The following MLXIP variants were observed in gnomAD, a reference collection of about 807,000 sequenced individuals.
MLXIP encodes the protein MLX interacting protein, also known as MLX-interacting protein.
In MLXIP, 30 loss-of-function variants were observed where a neutral mutation model predicts 87.2. The ratio of observed to expected loss-of-function variants is 0.34; its 90% confidence interval spans 0.26 to 0.47. MLXIP has a LOEUF of 0.47. Ranked by LOEUF, MLXIP falls within the 20% of genes least tolerant of loss-of-function variation. The pLI, the probability that MLXIP is intolerant of heterozygous loss-of-function variation, is 1.00. For synonymous variants in MLXIP, 530 were observed against 514.0 expected (o/e 1.03, Z -0.42); for missense variants, 1,002 against 1,240.1 (o/e 0.81, Z 2.88).
At chr12:122,128,034 A>C (rs1593104897) in intron 3 of MLXIP, 66 bp downstream of exon 3, 2 of 1,394,504 alleles carry the variant, frequency 1.4e-6, no homozygotes, top group Non-Finnish European at 2.0e-6. Context: ...GGAGTGGCTC[A>C]CCGCGGGCTG....
chr12:122,083,929 T>C (rs528397653), intron 1 of MLXIP, among the ~76,000 whole-genome samples: 1 of 152,332 alleles, frequency 6.6e-6, no homozygotes, highest in African/African-American at 2.4e-5. Flanking sequence ...CAGTGTTTCT[T>C]CTCCTGCGTT....
intron 1 of MLXIP, among the ~76,000 whole-genome samples, chr12:122,120,456 G>T (rs146484118): frequency 6.6e-6 from 1 of 152,288 alleles, no homozygotes; most frequent in Non-Finnish European, 1.5e-5. Flanking sequence ...AAACTCCTGG[G>T]CTCAAGCAGT....
Position 122,078,971 on chromosome 12 carries a change from C to A in MLXIP, c.118C>A (p.Pro40Thr). ...DDDSDTDEPS[P>T]PPASGAATPA... is the part of the protein sequence containing the mutation. ...CGACTCGGACACGGATGAGCCGTCC[C>A]CGCCGCCCGCCTCCGGCGCGGCCAC... Residue 40 changes from proline (P) to threonine (T), a missense_variant, in exon 1 of 17, where the codon CCG becomes ACG. This residue lies in a region of MLXIP where 129 missense variants were observed against 104.2 expected (regional missense o/e 1.24). Transcript: ENST00000319080. 1 of 1,088,852 alleles carries A rather than the reference C, an allele frequency of 9.2e-7. No homozygotes were observed. Among genetic ancestry groups the A allele is most frequent in the Non-Finnish European group, 1.1e-6 (1 of 892,780 alleles). The allele number at this position is 1,088,852 out of a possible 1,614,324, so 67.4% of individuals were successfully genotyped here. A position where few individuals can be genotyped will look rare whatever the true frequency, so the allele number is the denominator to read the frequency against.
At chr12:122,110,157 CTATT>C (rs1952581923) in intron 1 of MLXIP, among the ~76,000 whole-genome samples, 1 of 152,092 alleles carries the variant, frequency 6.6e-6, no homozygotes, top group Non-Finnish European at 1.5e-5. Flanking sequence ...TATTTAAAGC[CTATT>C]TAGGTTTAGG....
At chr12:122,121,792 A>C (rs1437025071) in intron 1 of MLXIP, among the ~76,000 whole-genome samples, 1 of 152,168 alleles carries the variant, frequency 6.6e-6, no homozygotes, top group Non-Finnish European at 1.5e-5. Flanking sequence ...ATAGTTTGCT[A>C]GTTTCATCCA....
intron 1 of MLXIP, among the ~76,000 whole-genome samples, chr12:122,115,928 G>A (rs554502764): frequency 3.9e-5 from 6 of 152,044 alleles, no homozygotes; most frequent in African/African-American, 9.7e-5. Flanking sequence ...GGCAGTACCT[G>A]TAATCCCAGC....
In MLXIP at chr12:122,137,991, C is replaced by T. The variant is rs950383101; in HGVS notation, c.2155-203C>T. Among the ~76,000 whole-genome samples, 1 of 152,222 alleles carries T rather than the reference C, an allele frequency of 6.6e-6. No individual in the cohort carries two copies. Among genetic ancestry groups the T allele is most frequent in the African/African-American group, 2.4e-5 (1 of 41,446 alleles). On this transcript the variant is annotated intron_variant, in intron 12 of 16. Coordinates refer to ENST00000319080, the MANE Select transcript of MLXIP (RefSeq NM_014938.6). This position sits in a 1 kb window ranked among gnomAD's most constrained non-coding sequence, Gnocchi z 4.1. ...GCCGTTCCCAGCCCCAGCTGTGCAC[C>T]ATTCTGCAGAGCGGGTTTTCTGTGG...
chr12:122,134,166 T>G, intron 9 of MLXIP, 179 bp downstream of exon 9: 2 of 744,612 alleles, frequency 2.7e-6, no homozygotes, highest in Non-Finnish European at 4.0e-6. Context: ...CATGATCTAG[T>G]CCGTTTTCTA....
At chr12:122,103,694 A>ATT (rs765295584) in intron 1 of MLXIP, among the ~76,000 whole-genome samples, 3 of 110,558 alleles carry the variant, frequency 2.7e-5, no homozygotes, top group African/African-American at 3.2e-5. Context: ...TAATTTTTGT[A>ATT]TTTTTTTTTT....
At position 122,145,299 on chromosome 12, in the gene MLXIP, C is replaced by G. The variant is rs1953281692; in HGVS notation, c.*3487C>G. The G allele has an allele frequency of 6.6e-6, 1 of 152,340 alleles. No individual in the cohort carries two copies. Among genetic ancestry groups the G allele is most frequent in the Admixed American group, 6.5e-5 (1 of 15,284 alleles). The allele number at this position is 152,340 out of a possible 1,614,324, so 9.4% of individuals were successfully genotyped here. On this transcript the variant is annotated 3_prime_UTR_variant, in exon 17 of 17. Coordinates refer to ENST00000319080, the MANE Select transcript of MLXIP (RefSeq NM_014938.6). ...CTGTCAGCCAGGGGAGTGGGGTCAG[C>G]CGTCAGCCAGCCCTCCCATTTCCCG...
intron 1 of MLXIP, among the ~76,000 whole-genome samples, chr12:122,114,371 C>T (rs988926202): frequency 5.3e-5 from 8 of 152,126 alleles, no homozygotes; most frequent in East Asian, 1.9e-4. Flanking sequence ...AAAAACAGAA[C>T]GCACTGAAAA....
intron 1 of MLXIP, among the ~76,000 whole-genome samples, chr12:122,114,684 C>G (rs960531878): frequency 1.3e-5 from 2 of 151,822 alleles, no homozygotes; most frequent in African/African-American, 4.8e-5. Context: ...GCCTAGAATT[C>G]ACCTCCCAGC....
intron 1 of MLXIP, among the ~76,000 whole-genome samples, chr12:122,105,751 G>T (rs531632618): frequency 8.6e-5 from 13 of 151,330 alleles, no homozygotes; most frequent in Non-Finnish European, 1.2e-4. Context: ...CTGCAGTCCG[G>T]CCTGGGCTAA....
At chr12:122,084,035 C>A (rs1202414513) in intron 1 of MLXIP, among the ~76,000 whole-genome samples, 1 of 152,162 alleles carries the variant, frequency 6.6e-6, no homozygotes, top group Non-Finnish European at 1.5e-5. Context: ...TCTCTCTCCT[C>A]AAGGGGCTCA....
intron 15 of MLXIP, among the ~76,000 whole-genome samples, chr12:122,140,112 G>A (rs1953170963): frequency 6.6e-6 from 1 of 152,196 alleles, no homozygotes; most frequent in South Asian, 2.1e-4. Flanking sequence ...GAGCTTCTTT[G>A]ATGAAATGGC....
chr12:122,098,287 T>C (rs1051343649), intron 1 of MLXIP, among the ~76,000 whole-genome samples: 2 of 152,192 alleles, frequency 1.3e-5, no homozygotes, highest in African/African-American at 4.8e-5. Flanking sequence ...AGATTTTCCT[T>C]CTGTTCCCTG....
At position 122,146,404 on chromosome 12, in the gene MLXIP, G is replaced by C. The variant is rs1172847908; in HGVS notation, c.*4592G>C. 7.2e-5 allele frequency: 11 copies of C among 152,482 alleles called. No homozygotes were observed. Among genetic ancestry groups the C allele is most frequent in the Admixed American group, 3.9e-4 (6 of 15,278 alleles). 9.4% of individuals were successfully genotyped at this position (152,482 alleles called of 1,614,324 possible). A position where few individuals can be genotyped will look rare whatever the true frequency, so the allele number is the denominator to read the frequency against. On this transcript the variant is annotated 3_prime_UTR_variant, in exon 17 of 17. Coordinates refer to ENST00000319080, the MANE Select transcript of MLXIP (RefSeq NM_014938.6). ...CATGGTAAGCTTGGCAAGGGCTCCA[G>C]GAACGCTGACGAAGGGTTTTAGGAC...
At chr12:122,131,395 CT>C (rs1478644787) in intron 7 of MLXIP, among the ~76,000 whole-genome samples, 5 of 150,808 alleles carry the variant, frequency 3.3e-5, no homozygotes, top group African/African-American at 1.2e-4. Context: ...TGGCATCCCC[CT>C]GGGCCATGTG....
At chr12:122,136,485 A>G (rs962310442) in intron 11 of MLXIP, 6 of 146,098 alleles carry the variant, frequency 4.1e-5, no homozygotes, top group Non-Finnish European at 9.0e-5. Flanking sequence ...AAAAAAAAGC[A>G]GGGCTTAGTG....
Sources: gnomAD v4.1 joint callset for allele counts (sites outside exome capture counted in the v4.1 genomes callset) on GRCh38, gnomAD v4.1.1 for gene constraint, gnomAD v4.1.1 regional missense constraint, Gnocchi (gnomAD v3.1) non-coding constraint, MANE v1.5 for transcripts, NCBI Gene and HGNC (gene_info 2026-07-23, HGNC 2026-07-21) for gene names.